RANBP2: variants seen among roughly 807,000 people sequenced by gnomAD.
RANBP2 encodes the protein E3 SUMO-protein ligase RanBP2.
A neutral mutation model predicts 303.6 loss-of-function variants in RANBP2; 57 were observed. That is an observed-to-expected ratio of 0.19 (90% CI 0.15 to 0.23). The LOEUF is 0.23. Among genes scored for constraint, RANBP2 ranks in the 10% least tolerant of loss-of-function variants. The pLI, the probability that RANBP2 is intolerant of heterozygous loss-of-function variation, is 1.00. For missense variants in RANBP2, 3,138 were observed against 3,780.8 expected (o/e 0.83, Z 4.46); for synonymous variants, 1,167 against 1,301.5 (o/e 0.90, Z 2.23).
intron 7 of RANBP2, among the ~76,000 whole-genome samples, chr2:108,744,263 G>A (rs567374331): frequency 1.2e-3 from 188 of 152,262 alleles, no homozygotes; most frequent in African/African-American, 4.4e-3. Flanking sequence ...AATTAGCCAC[G>A]CATGGTGGCG....
chr2:109,440,355 G>A, the RANBP2 span, among the ~76,000 whole-genome samples: 3 of 152,202 alleles, frequency 2.0e-5, no homozygotes, highest in Non-Finnish European at 2.9e-5. Flanking sequence ...GATAGGGTGC[G>A]GGAGCAAAGA....
the RANBP2 span, among the ~76,000 whole-genome samples, chr2:108,958,623 T>C: frequency 6.6e-6 from 1 of 152,162 alleles, no homozygotes; most frequent in Non-Finnish European, 1.5e-5. Flanking sequence ...GCTAGCTCCC[T>C]TAGCAATGGC....
chr2:108,893,091 G>GTTA, the RANBP2 span, among the ~76,000 whole-genome samples: 1 of 152,200 alleles, frequency 6.6e-6, no homozygotes, highest in East Asian at 1.9e-4. Context: ...ATTCCTCATG[G>GTTA]TTATTTCATT....
chr2:108,881,304 A>G, the RANBP2 span, among the ~76,000 whole-genome samples: 1 of 152,198 alleles, frequency 6.6e-6, no homozygotes, highest in Non-Finnish European at 1.5e-5. Context: ...GCTAGCTTCA[A>G]CCTTTCCTTC....
the RANBP2 span, among the ~76,000 whole-genome samples, chr2:109,548,620 C>CA: frequency 6.6e-6 from 1 of 151,826 alleles, no homozygotes; most frequent in East Asian, 1.9e-4. Context: ...TACTAAAATA[C>CA]AAAAAATTAA....
chr2:109,364,968 G>A, the RANBP2 span, among the ~76,000 whole-genome samples: 7 of 152,154 alleles, frequency 4.6e-5, no homozygotes, highest in Non-Finnish European at 8.8e-5. Flanking sequence ...GCACACGCTT[G>A]TAATCCCAGC....
At chr2:109,726,058 GGTGTGTGTGTGTGTGTGTGTGT>G in the RANBP2 span, among the ~76,000 whole-genome samples, 1 of 137,030 alleles carries the variant, frequency 7.3e-6, no homozygotes, top group African/African-American at 2.8e-5. Flanking sequence ...TTTTGCTTTT[GGTGTGTGTGTGTGTGTGTGTGT>G]GTGTGTGTGT....
the RANBP2 span, among the ~76,000 whole-genome samples, chr2:109,108,074 T>A: frequency 4.2e-4 from 64 of 152,166 alleles, no homozygotes; most frequent in African/African-American, 1.5e-3. Context: ...CCCGGCCAGT[T>A]TTTTGTATTT....
Position 108,739,421 on chromosome 2 carries a change from A to AAGG in RANBP2, c.783-1068_783-1067insAGG, listed in dbSNP as rs748466499. On this transcript the variant is annotated intron_variant, in intron 6 of 28. Coordinates refer to ENST00000283195, the MANE Select transcript of RANBP2 (RefSeq NM_006267.5). ...TGTCTCCAAAAACAAAAACAAAAAA[A>AAGG]CTCAGCTCTACATACATGAGAAAAT... is the stretch of plus-strand genomic sequence containing the variant. Among the ~76,000 whole-genome samples, 3 of 152,182 alleles carry AAGG rather than the reference A, an allele frequency of 2.0e-5. No individual in the cohort carries two copies. In the South Asian group the frequency reaches 6.2e-4, roughly 32 times the overall value.
At chr2:109,716,188 C>T in the RANBP2 span, among the ~76,000 whole-genome samples, 3 of 152,010 alleles carry the variant, frequency 2.0e-5, no homozygotes, top group African/African-American at 7.2e-5. Flanking sequence ...ATTTGTCTGG[C>T]ACTCAGTAAA....
the RANBP2 span, among the ~76,000 whole-genome samples, chr2:108,967,659 G>T: frequency 6.6e-6 from 1 of 152,256 alleles, no homozygotes; most frequent in East Asian, 1.9e-4. Context: ...AGGTGATTTT[G>T]ATCCTTTAAT....
chr2:109,151,740 G>T, the RANBP2 span, among the ~76,000 whole-genome samples: 3 of 152,222 alleles, frequency 2.0e-5, no homozygotes, highest in East Asian at 3.8e-4. Flanking sequence ...CAGCTCTGAC[G>T]GATCAGACCA....
the RANBP2 span, among the ~76,000 whole-genome samples, chr2:108,971,826 G>A: frequency 6.6e-6 from 1 of 152,224 alleles, no homozygotes; most frequent in South Asian, 2.1e-4. Context: ...CTGGATTTTA[G>A]TGACTCGTTT....
chr2:109,612,229 T>C, the RANBP2 span, among the ~76,000 whole-genome samples: 2 of 151,838 alleles, frequency 1.3e-5, no homozygotes, highest in East Asian at 3.9e-4. Flanking sequence ...AACTGGGTGA[T>C]TCCATTATAT....
chr2:109,049,737 G>A, the RANBP2 span, among the ~76,000 whole-genome samples: 1 of 152,156 alleles, frequency 6.6e-6, no homozygotes, highest in Non-Finnish European at 1.5e-5. Flanking sequence ...TATCTGTCAA[G>A]CTTTTATGAA....
chr2:108,905,866 G>A, the RANBP2 span, among the ~76,000 whole-genome samples: 1 of 146,620 alleles, frequency 6.8e-6, no homozygotes, highest in Non-Finnish European at 1.5e-5. Context: ...GGGAGGGGAG[G>A]CTGGAGGCTC....
chr2:109,524,794 A>T, the RANBP2 span, among the ~76,000 whole-genome samples: 6 of 152,004 alleles, frequency 3.9e-5, no homozygotes, highest in African/African-American at 1.2e-4. Context: ...AAATCTAAAA[A>T]GGCCTTCCAT....
the RANBP2 span, among the ~76,000 whole-genome samples, chr2:109,506,876 C>T: frequency 6.6e-6 from 1 of 152,188 alleles, no homozygotes; most frequent in African/African-American, 2.4e-5. Context: ...AACCGAGGCA[C>T]CACCATCCAA....
chr2:109,487,696 T>C, the RANBP2 span, among the ~76,000 whole-genome samples: 1 of 152,034 alleles, frequency 6.6e-6, no homozygotes, highest in African/African-American at 2.4e-5. Context: ...AGCTCCACCA[T>C]ACCCCACGTC....
Sources: gnomAD v4.1 joint callset for allele counts (sites outside exome capture counted in the v4.1 genomes callset) on GRCh38, gnomAD v4.1.1 for gene constraint, MANE v1.5 for transcripts, NCBI Gene and HGNC (gene_info 2026-07-23, HGNC 2026-07-21) for gene names.